Variants in MAST4 observed in about 807,000 individuals in gnomAD.
MAST4 encodes microtubule associated serine/threonine kinase family member 4.
A neutral mutation model predicts 162.7 loss-of-function variants in MAST4; 89 were observed. The ratio of observed to expected loss-of-function variants is 0.55; its 90% CI spans 0.46 to 0.65. MAST4 has a LOEUF of 0.65. Among genes scored for constraint, MAST4 ranks in the 30% least tolerant of loss-of-function variants. The probability of loss-of-function intolerance (pLI) is 0.00; values close to 1 mark genes in which losing one functional copy is unlikely to be tolerated. For synonymous variants in MAST4, 1,479 were observed against 1,361.1 expected (o/e 1.09, Z -1.91); for missense variants, 3,153 against 3,374.0 (o/e 0.93, Z 1.62).
At chr5:66,716,168 G>A (rs541443752) in intron 1 of MAST4, among the ~76,000 whole-genome samples, 7 of 152,092 alleles carry the variant, frequency 4.6e-5, no homozygotes, top group African/African-American at 7.2e-5. Flanking sequence ...AAATTTGAGC[G>A]TAAAAGGGAA....
intron 4 of MAST4, among the ~76,000 whole-genome samples, chr5:66,981,939 CTTTG>C (rs1748901226): frequency 6.6e-6 from 1 of 152,150 alleles, no homozygotes; most frequent in Non-Finnish European, 1.5e-5. Context: ...CATTCTTACT[CTTTG>C]TTTATTTGAA....
chr5:67,025,179 T>C (rs748990548), intron 4 of MAST4, among the ~76,000 whole-genome samples: 6 of 152,148 alleles, frequency 3.9e-5, no homozygotes, highest in Non-Finnish European at 7.4e-5. Context: ...TACGTAATAT[T>C]ATAAAGGAAA....
Position 66,954,235 on chromosome 5 carries a change from A to G in MAST4, c.674+54253A>G, listed in dbSNP as rs143839061. Among the ~76,000 whole-genome samples the G allele has an allele frequency of 2.4e-3, 370 of 152,300 alleles. 3 individuals are homozygous for G. Among genetic ancestry groups the G allele is most frequent in the East Asian group, 0.021 (108 of 5,182 alleles). The stretch of plus-strand genomic sequence containing the variant: ...GCACACACATGTATACAGCTAGTCC[A>G]TGATGTATGCCTTCCAGCCGGCAAA... On this transcript the variant is annotated intron_variant, in intron 4 of 28. Coordinates refer to ENST00000403625, the MANE Select transcript of MAST4 (RefSeq NM_001164664.2).
chr5:66,935,139 A>G (rs1450925784), intron 4 of MAST4, among the ~76,000 whole-genome samples: 1 of 152,204 alleles, frequency 6.6e-6, no homozygotes, highest in Non-Finnish European at 1.5e-5. Flanking sequence ...ACTTGGCACC[A>G]GTGGATGTTT....
intron 4 of MAST4, among the ~76,000 whole-genome samples, chr5:66,936,189 C>T (rs1427474312): frequency 1.3e-5 from 2 of 152,176 alleles, no homozygotes. Flanking sequence ...TGGGCAGGGT[C>T]ATGTGTTTCA....
chr5:66,870,936 A>C lies in MAST4; in HGVS notation c.643-29015A>C, dbSNP rs145648937. The C allele has an allele frequency of 6.6e-4, 298 of 452,914 alleles. 2 individuals carry two copies. The highest frequency in any genetic ancestry group is 5.6e-3 in the African/African-American group (278 of 49,800). The allele number at this position is 452,914 out of a possible 1,614,324, so 28.1% of individuals were successfully genotyped here. A position where few individuals can be genotyped will look rare whatever the true frequency, so the allele number is the denominator to read the frequency against. On this transcript the variant is annotated intron_variant, in intron 3 of 28. Coordinates refer to ENST00000403625, the MANE Select transcript of MAST4 (RefSeq NM_001164664.2). Reference sequence around the variant, plus strand: ...GTAAACAGGGTGTGGGGTTTTATTTATGCTGGTATATTCCAGGGCTTTAGA... The same window carrying C: ...GTAAACAGGGTGTGGGGTTTTATTTCTGCTGGTATATTCCAGGGCTTTAGA...
At chr5:67,125,815 G>C (rs1411467383) in intron 14 of MAST4, among the ~76,000 whole-genome samples, 1 of 152,146 alleles carries the variant, frequency 6.6e-6, no homozygotes, top group Non-Finnish European at 1.5e-5. Context: ...CTAGATCCTT[G>C]AGGAATCGCC....
intron 2 of MAST4, among the ~76,000 whole-genome samples, chr5:66,765,276 G>A (rs1435463905): frequency 6.6e-6 from 1 of 152,104 alleles, no homozygotes. Context: ...TTGTCCCTCA[G>A]TAGCCACAGA....
At position 67,166,679 on chromosome 5, in the gene MAST4, G is replaced by A. The variant is rs1429249947; in HGVS notation, c.7500G>A (p.Arg2500=). 5 of 1,596,036 alleles carry A rather than the reference G, an allele frequency of 3.1e-6. No individual in the cohort carries two copies. The highest frequency in any genetic ancestry group is 2.3e-5 in the East Asian group (1 of 43,890). The change falls in exon 29 of 29, where the codon AGG becomes AGA. Residue 2500 remains arginine (R), a synonymous_variant. Transcript: ENST00000403625. ...GMLELPAPSN[R]DHRKAQPAGE... is the part of the protein sequence containing the mutation. Reference sequence around the variant, plus strand: ...TGGAGCTTCCAGCCCCCAGCAACAGGGACCATAGGAAGGCTCAGCCTGCCG... The same window carrying A: ...TGGAGCTTCCAGCCCCCAGCAACAGAGACCATAGGAAGGCTCAGCCTGCCG...
At chr5:66,731,314 A>G (rs1751838422) in intron 1 of MAST4, among the ~76,000 whole-genome samples, 1 of 152,218 alleles carries the variant, frequency 6.6e-6, no homozygotes, top group Non-Finnish European at 1.5e-5. Context: ...GTTTGCATAT[A>G]GAACAAGGTG....
rs530842409 is a variant in MAST4 at position 66,618,999 on chromosome 5, A to G, written c.363+21981A>G. 1.0e-3 allele frequency among the ~76,000 whole-genome samples: 157 copies of G among 152,318 alleles called. 1 individual carries two copies. The highest frequency in any genetic ancestry group is 3.5e-3 in the African/African-American group (146 of 41,576). ...TATAGCATTCTTTTCTTGGCAACGC[A>G]CTAAATGCTGGCCTGTCACCCCAAG... On this transcript the variant is annotated intron_variant, in intron 1 of 28. Transcript: ENST00000403625.
chr5:66,832,139 C>T (rs991634465), intron 3 of MAST4, among the ~76,000 whole-genome samples: 2 of 152,116 alleles, frequency 1.3e-5, no homozygotes, highest in African/African-American at 4.8e-5. Flanking sequence ...CTGACGATGC[C>T]TTTCCTGCCA....
In MAST4 at chr5:67,010,279, G is replaced by A. The variant is rs576487547; in HGVS notation, c.675-44125G>A. 3.3e-5 allele frequency among the ~76,000 whole-genome samples: 5 copies of A among 152,344 alleles called. No homozygotes were observed. In the East Asian group the frequency reaches 7.7e-4, roughly 23 times the overall value. ...ACTAAGTCAATTGCCAATGTGGTCA[G>A]TATTCCAATGGCTGTAAGCAAGAGC... is the stretch of plus-strand genomic sequence containing the variant. On this transcript the variant is annotated intron_variant, in intron 4 of 28. Transcript: ENST00000403625.
At chr5:66,932,177 G>A (rs1423491250) in intron 4 of MAST4, among the ~76,000 whole-genome samples, 1 of 152,130 alleles carries the variant, frequency 6.6e-6, no homozygotes, top group African/African-American at 2.4e-5. Context: ...TCTTCATCAG[G>A]TCTGTCACCG....
At chr5:66,781,813 G>A (rs572273172) in intron 2 of MAST4, among the ~76,000 whole-genome samples, 2 of 152,304 alleles carry the variant, frequency 1.3e-5, no homozygotes, top group South Asian at 4.2e-4. Context: ...CACTTCAGGT[G>A]ATACGGAACT....
intron 9 of MAST4, 144 bp from the exon 10 acceptor site, chr5:67,104,222 G>T: frequency 1.5e-6 from 1 of 652,830 alleles, no homozygotes. Flanking sequence ...TATCAGAAGT[G>T]AGGCTTCTTT....
At chr5:67,035,285 C>T (rs897923172) in intron 4 of MAST4, among the ~76,000 whole-genome samples, 1 of 152,042 alleles carries the variant, frequency 6.6e-6, no homozygotes, top group African/African-American at 2.4e-5. Context: ...CTTTCATTAG[C>T]AAACTGTACA....
chr5:67,153,875 C>A (rs1018847610), intron 26 of MAST4, among the ~76,000 whole-genome samples: 4 of 152,088 alleles, frequency 2.6e-5, no homozygotes, highest in Non-Finnish European at 5.9e-5. Context: ...TGGAGAGTCA[C>A]CTATCCTGAA....
In MAST4 at chr5:66,845,085, T is replaced by TTATATATA. The variant is rs752796951; in HGVS notation, c.643-54831_643-54824dup. On this transcript the variant is annotated intron_variant, in intron 3 of 28. Coordinates refer to ENST00000403625, the MANE Select transcript of MAST4 (RefSeq NM_001164664.2). Reference sequence around the variant, plus strand: ...ACTGACCCATTAAGGTCACTAATCTTTATATATATATATATATATATATAT... The same window carrying TTATATATA: ...ACTGACCCATTAAGGTCACTAATCTTTATATATATATATATATATATATATATATATAT... Among the ~76,000 whole-genome samples the TTATATATA allele has an allele frequency of 2.6e-3, 153 of 57,922 alleles. 1 individual carries two copies. The highest frequency in any genetic ancestry group is 9.2e-3 in the African/African-American group (129 of 14,078). 38.0% of individuals were successfully genotyped at this position (57,922 alleles called of 152,430 possible).
Sources: gnomAD v4.1 joint callset for allele counts (sites outside exome capture counted in the v4.1 genomes callset) on GRCh38, gnomAD v4.1.1 for gene constraint, MANE v1.5 for transcripts, NCBI Gene and HGNC (gene_info 2026-07-23, HGNC 2026-07-21) for gene names.